Variants in DNAJC5B observed in about 807,000 individuals in gnomAD.
DNAJC5B encodes dnaJ homolog subfamily C member 5B.
DNAJC5B carries 23 observed loss-of-function variants against 24.7 expected under a neutral mutation model. The observed-to-expected ratio is 0.93, with a 90% CI of 0.67 to 1.32. DNAJC5B has a LOEUF of 1.32. Among genes scored for constraint, DNAJC5B ranks in the 40% most tolerant of loss-of-function variants. The pLI is 0.00. For synonymous variants in DNAJC5B, 101 were observed against 90.1 expected, an observed-to-expected ratio of 1.12 and a Z score of -0.68; for missense variants, 238 against 240.8, an observed-to-expected ratio of 0.99 and a Z score of 0.08.
chr8:66,080,141 T>C (rs1399249340), intron 4 of DNAJC5B, among the ~76,000 whole-genome samples: 2 of 152,198 alleles, frequency 1.3e-5, no homozygotes, highest in Non-Finnish European at 2.9e-5. Context: ...TTACTTTGGC[T>C]ACAAGTCATT....
intron 5 of DNAJC5B, among the ~76,000 whole-genome samples, chr8:66,097,308 C>T (rs1749136887): frequency 6.6e-6 from 1 of 151,136 alleles, no homozygotes; most frequent in Non-Finnish European, 1.5e-5. Context: ...TTGGAATTAC[C>T]CTGAAAATTT....
At chr8:66,026,974 T>A (rs1806259338) in intron 1 of DNAJC5B, among the ~76,000 whole-genome samples, 1 of 152,202 alleles carries the variant, frequency 6.6e-6, no homozygotes, top group African/African-American at 2.4e-5. Context: ...CAAGTGCAAT[T>A]TTTAAAAATG....
intron 3 of DNAJC5B, among the ~76,000 whole-genome samples, chr8:66,069,918 T>G (rs150860214): frequency 0.011 from 1,677 of 152,320 alleles, 31 homozygotes; most frequent in African/African-American, 0.038. Flanking sequence ...TGCAAATCAA[T>G]AAACATAATC....
At chr8:66,065,953 G>T (rs112277149) in intron 3 of DNAJC5B, among the ~76,000 whole-genome samples, 1 of 152,136 alleles carries the variant, frequency 6.6e-6, no homozygotes, top group East Asian at 1.9e-4. Flanking sequence ...TAACCACAAA[G>T]CTCCATCTTA....
chr8:66,071,980 A>G (rs1029494040), intron 3 of DNAJC5B, among the ~76,000 whole-genome samples: 21 of 145,288 alleles, frequency 1.4e-4, no homozygotes, highest in Non-Finnish European at 6.1e-5. Context: ...GTTCTCACTC[A>G]TAAGTGGGAG....
At chr8:66,097,117 T>C (rs1474953570) in intron 5 of DNAJC5B, among the ~76,000 whole-genome samples, 1 of 152,062 alleles carries the variant, frequency 6.6e-6, no homozygotes, top group Non-Finnish European at 1.5e-5. Context: ...GCTGGACATG[T>C]AATAAGATAT....
chr8:66,067,380 T>C (rs1807243662), intron 3 of DNAJC5B, among the ~76,000 whole-genome samples: 1 of 152,022 alleles, frequency 6.6e-6, no homozygotes, highest in South Asian at 2.1e-4. Context: ...TGCAATTTTA[T>C]TGAGATTCTG....
intron 3 of DNAJC5B, among the ~76,000 whole-genome samples, chr8:66,074,895 G>A (rs1422452473): frequency 2.6e-5 from 4 of 152,176 alleles, no homozygotes; most frequent in Admixed American, 6.5e-5. Context: ...TACAAGTGGA[G>A]GTGTTCCAGC....
chr8:66,087,212 G>A (rs1206597826), intron 5 of DNAJC5B, among the ~76,000 whole-genome samples: 2 of 152,136 alleles, frequency 1.3e-5, no homozygotes, highest in Non-Finnish European at 2.9e-5. Flanking sequence ...AAGGTGACAG[G>A]TGAGAGAGAG....
upstream of DNAJC5B, among the ~76,000 whole-genome samples, chr8:66,018,788 C>T (rs1806029221): frequency 6.6e-6 from 1 of 152,082 alleles, no homozygotes. Context: ...GTCTGTAGAA[C>T]ACAATTTGAG....
intron 1 of DNAJC5B, among the ~76,000 whole-genome samples, chr8:66,023,111 C>G (rs1383017161): frequency 6.6e-6 from 1 of 152,202 alleles, no homozygotes; most frequent in Non-Finnish European, 1.5e-5. Flanking sequence ...TCCACAGCTT[C>G]GTTTCCAGGA....
chr8:66,082,080 A>G (rs151109784), intron 5 of DNAJC5B, among the ~76,000 whole-genome samples: 2 of 152,170 alleles, frequency 1.3e-5, no homozygotes, highest in African/African-American at 2.4e-5. Flanking sequence ...TCTGAATCCT[A>G]TCTGCTCTTG....
rs114803081 is a variant in DNAJC5B, at chr8:66,056,690, T to C, written c.119+5024T>C. 2.6e-5 allele frequency: 4 copies of C among 152,190 alleles called. No homozygotes were observed. In the East Asian group the frequency reaches 7.7e-4, roughly 29 times the overall value. The allele number at this position is 152,190 out of a possible 1,614,324, so 9.4% of individuals were successfully genotyped here. Reference sequence around the variant, plus strand: ...AATAAAACAACTTAAATAGAACCCATTATCTCCCAACATGATAACCAAAAT... The same window carrying C: ...AATAAAACAACTTAAATAGAACCCACTATCTCCCAACATGATAACCAAAAT... On this transcript the variant is annotated intron_variant, in intron 3 of 5. Coordinates refer to ENST00000276570, the MANE Select transcript of DNAJC5B (RefSeq NM_033105.6).
intron 1 of DNAJC5B, among the ~76,000 whole-genome samples, chr8:66,033,200 G>A (rs1806397404): frequency 6.6e-6 from 1 of 152,252 alleles, no homozygotes; most frequent in Non-Finnish European, 1.5e-5. Context: ...CACGCAGGCT[G>A]GCCTGGGGCC....
At position 66,080,480 on chromosome 8, in the gene DNAJC5B, T is replaced by G. The variant is rs780597116; in HGVS notation, c.437T>G (p.Val146Gly). 5 of 1,613,988 alleles carry G rather than the reference T, an allele frequency of 3.1e-6. No individual in the cohort carries two copies. ...CCGHCRPESS[V>G]PEEDFYVSPE... ...GGACACTGCCGGCCCGAGTCATCAG[T>G]GCCAGAAGAGGACTTCTATGTGTCC... The change falls in exon 5 of 6, where the codon GTG (valine) becomes GGG (glycine). Residue 146 changes from valine (V) to glycine (G), a missense_variant. Physicochemically the swap from Val to Gly is moderately radical, Grantham distance 109. Coordinates refer to ENST00000276570, the MANE Select transcript of DNAJC5B (RefSeq NM_033105.6).
chr8:66,028,303 T>C (rs995596029), intron 1 of DNAJC5B, among the ~76,000 whole-genome samples: 4 of 152,174 alleles, frequency 2.6e-5, no homozygotes, highest in Non-Finnish European at 5.9e-5. Flanking sequence ...GACAACTCAT[T>C]CTTGGCGTGC....
chr8:66,023,861 T>C (rs571020980), intron 1 of DNAJC5B, among the ~76,000 whole-genome samples: 17 of 152,352 alleles, frequency 1.1e-4, no homozygotes, highest in Middle Eastern at 3.4e-3. Flanking sequence ...GCTATATATG[T>C]CTTGCATCCG....
upstream of DNAJC5B, among the ~76,000 whole-genome samples, chr8:66,019,043 C>T (rs982942774): frequency 2.0e-5 from 3 of 152,184 alleles, no homozygotes; most frequent in African/African-American, 7.2e-5. Context: ...AGGTGTGCAC[C>T]TGTTTCAACA....
At chr8:66,028,402 A>C (rs1017045786) in intron 1 of DNAJC5B, among the ~76,000 whole-genome samples, 16 of 152,320 alleles carry the variant, frequency 1.1e-4, no homozygotes, top group African/African-American at 3.6e-4. Flanking sequence ...AATGAACTCT[A>C]ACAGGTGGTT....
Sources: gnomAD v4.1 joint callset for allele counts (sites outside exome capture counted in the v4.1 genomes callset) on GRCh38, gnomAD v4.1.1 for gene constraint, MANE v1.5 for transcripts, NCBI Gene and HGNC (gene_info 2026-07-23, HGNC 2026-07-21) for gene names.